Variants in CLIP1 observed in about 807,000 individuals in gnomAD.
CLIP1 encodes CAP-Gly domain containing linker protein 1.
Under a neutral mutation model 161.6 loss-of-function variants are expected in CLIP1, and 66 were observed. The ratio of observed to expected loss-of-function variants is 0.41; its 90% CI spans 0.33 to 0.50. The LOEUF is 0.50. Among genes scored for constraint, CLIP1 ranks in the 20% least tolerant of loss-of-function variants. The pLI, the probability that CLIP1 is intolerant of heterozygous loss-of-function variation, is 0.27. For synonymous variants in CLIP1, 598 were observed against 626.2 expected, an observed-to-expected ratio of 0.96 and a Z score of 0.67; for missense variants, 1,376 against 1,702.0, an observed-to-expected ratio of 0.81 and a Z score of 3.37.
At chr12:122,320,695 A>G (rs148472364) in intron 17 of CLIP1, among the ~76,000 whole-genome samples, 6,846 of 151,146 alleles carry the variant, frequency 0.045, 537 homozygotes, top group African/African-American at 0.15. Context: ...CTGTACTCCA[A>G]CCTGGGTGAC....
chr12:122,415,814 AT>A (rs1956736428), intron 1 of CLIP1, among the ~76,000 whole-genome samples: 1 of 151,764 alleles, frequency 6.6e-6, no homozygotes, highest in Non-Finnish European at 1.5e-5. Flanking sequence ...GGGAGACTCC[AT>A]CTCAAAAAAA....
chr12:122,357,388 G>A (rs1055891809), intron 5 of CLIP1, among the ~76,000 whole-genome samples: 4 of 151,206 alleles, frequency 2.6e-5, no homozygotes, highest in African/African-American at 7.3e-5. Context: ...GAAGTGAGGA[G>A]CCCCTCCGCC....
intron 21 of CLIP1, among the ~76,000 whole-genome samples, chr12:122,285,589 T>C (rs1170819935): frequency 6.6e-6 from 1 of 151,936 alleles, no homozygotes; most frequent in East Asian, 1.9e-4. Context: ...TCCACCTGCC[T>C]TGGCCTCCCA....
intron 3 of CLIP1, 104 bp downstream of exon 3, chr12:122,377,285 G>C: frequency 5.7e-6 from 6 of 1,046,026 alleles, no homozygotes; most frequent in Non-Finnish European, 8.5e-6. Context: ...TGGGATTATA[G>C]GTGTGAGCCA....
chr12:122,318,274 C>T (rs1566109589), intron 18 of CLIP1, among the ~76,000 whole-genome samples: 1 of 152,190 alleles, frequency 6.6e-6, no homozygotes, highest in Admixed American at 6.6e-5. Flanking sequence ...GTGGCTCATG[C>T]CTGTAATCCC....
intron 15 of CLIP1, 139 bp from the exon 16 acceptor site, chr12:122,328,565 A>ATTTTGTTTTGTTTTG (rs66694613): frequency 1.3e-4 from 41 of 321,094 alleles, no homozygotes; most frequent in Non-Finnish European, 1.9e-4. Flanking sequence ...TAGGCAAGAA[A>ATTTTGTTTTGTTTTG]TTTTGTTTTG....
At chr12:122,276,616 G>A in intron 24 of CLIP1, 2 of 473,348 alleles carry the variant, frequency 4.2e-6, no homozygotes, top group Admixed American at 9.6e-5. Flanking sequence ...CAAAGGAGGT[G>A]TCTGGCAACT....
chr12:122,294,706 C>G (rs1950403083), intron 20 of CLIP1, among the ~76,000 whole-genome samples: 1 of 151,970 alleles, frequency 6.6e-6, no homozygotes, highest in Non-Finnish European at 1.5e-5. Flanking sequence ...CCACAGCACT[C>G]CAGCCTGGGT....
At chr12:122,362,135 G>A (rs1953862902) in intron 4 of CLIP1, among the ~76,000 whole-genome samples, 1 of 151,316 alleles carries the variant, frequency 6.6e-6, no homozygotes, top group East Asian at 2.0e-4. Context: ...TGTATTTTTA[G>A]TAGAGACAGG....
intron 3 of CLIP1, among the ~76,000 whole-genome samples, chr12:122,376,481 CTT>C (rs1463528018): frequency 1.3e-5 from 2 of 151,296 alleles, no homozygotes; most frequent in East Asian, 1.9e-4. Context: ...TTTTTTTTTT[CTT>C]TGAGACAGAG....
rs1470771671 is a variant in CLIP1 at position 122,349,900 on chromosome 12, TTTG to T, written c.1401+1208_1401+1210del. On this transcript the variant is annotated intron_variant, in intron 9 of 25. Coordinates refer to ENST00000620786, the MANE Select transcript of CLIP1 (RefSeq NM_001247997.2). ...TTCAGTCTTGTGTTTTTTTGTTTTT[TTTG>T]TTTTTTTTGTTTTTTTTTGAGATGG... is the stretch of plus-strand genomic sequence containing the variant. Among the ~76,000 whole-genome samples, 647 of 74,234 alleles carry T rather than the reference TTTG, an allele frequency of 8.7e-3. 3 individuals carry two copies. Among genetic ancestry groups the T allele is most frequent in the African/African-American group, 0.023 (606 of 26,226 alleles). The allele number at this position is 74,234 out of a possible 152,430, so 48.7% of individuals were successfully genotyped here.
At chr12:122,305,683 T>C (rs1395743317) in intron 20 of CLIP1, among the ~76,000 whole-genome samples, 1 of 152,006 alleles carries the variant, frequency 6.6e-6, no homozygotes, top group African/African-American at 2.4e-5. Context: ...CTAAAGGAAA[T>C]TTCACATCTG....
chr12:122,302,118 T>A (rs1950702883), intron 20 of CLIP1, among the ~76,000 whole-genome samples: 1 of 152,082 alleles, frequency 6.6e-6, no homozygotes, highest in Non-Finnish European at 1.5e-5. Flanking sequence ...TATTATTATT[T>A]TGAGACAGTT....
chr12:122,273,393 G>C (rs1011284400), intron 25 of CLIP1, among the ~76,000 whole-genome samples: 1 of 152,022 alleles, frequency 6.6e-6, no homozygotes, highest in Admixed American at 6.6e-5. Flanking sequence ...GGAATTACAG[G>C]TGCGTGCCAC....
In CLIP1 at chr12:122,355,302, G is replaced by A. The variant is rs777242081; in HGVS notation, c.1016C>T (p.Thr339Ile). The A allele has an allele frequency of 2.5e-6, 4 of 1,613,808 alleles. No individual in the cohort carries two copies. Among genetic ancestry groups the A allele is most frequent in the Middle Eastern group, 1.7e-4 (1 of 6,060 alleles). Residue 339 changes from threonine to isoleucine, a missense_variant, in exon 6 of 26, where the codon ACC becomes ATC. Transcript: ENST00000620786. The surrounding 1 kb of genome is among the most constrained non-coding windows in gnomAD (Gnocchi z 4.1). ...GATCTTCCTGGCGTAACGGGAGGAG[G>A]TTTCAGTCAACTGTAAAGGAAAGTT... is the stretch of plus-strand genomic sequence containing the variant. ...RPSRTGLLTE[T>I]SSRYARKISG... is the part of the protein sequence containing the mutation.
At chr12:122,314,943 A>G (rs1951204576) in intron 19 of CLIP1, among the ~76,000 whole-genome samples, 1 of 152,210 alleles carries the variant, frequency 6.6e-6, no homozygotes. Context: ...TTGTAAATTT[A>G]TAAATCTGCA....
chr12:122,411,758 G>C (rs1956542469), intron 1 of CLIP1, among the ~76,000 whole-genome samples: 2 of 152,114 alleles, frequency 1.3e-5, no homozygotes, highest in African/African-American at 2.4e-5. Context: ...CCTGCCTAGG[G>C]CTGGGAAAGT....
intron 21 of CLIP1, among the ~76,000 whole-genome samples, chr12:122,283,522 G>A (rs565013923): frequency 4.9e-4 from 73 of 148,784 alleles, no homozygotes; most frequent in African/African-American, 1.6e-3. Context: ...GCAGTGGTGC[G>A]ATCTCGGCTC....
intron 1 of CLIP1, chr12:122,395,476 T>G (rs1266015544): frequency 6.6e-6 from 1 of 152,136 alleles, no homozygotes; most frequent in Non-Finnish European, 1.5e-5. Flanking sequence ...GGCTATGAGG[T>G]CATGACAATG....
Sources: allele counts gnomAD v4.1 joint callset (sites outside exome capture counted in the v4.1 genomes callset), GRCh38; gene constraint gnomAD v4.1.1; non-coding constraint Gnocchi (gnomAD v3.1); transcripts MANE v1.5; gene names NCBI Gene and HGNC (gene_info 2026-07-23, HGNC 2026-07-21).